The following EPS8 variants were observed in gnomAD, a reference collection of about 807,000 sequenced individuals.
The protein encoded by EPS8 is epidermal growth factor receptor kinase substrate 8.
A neutral mutation model predicts 103.8 loss-of-function variants in EPS8; 42 were observed. The ratio of observed to expected loss-of-function variants is 0.40; its 90% CI spans 0.32 to 0.52. The LOEUF is 0.52. EPS8 is among the 20% of genes least tolerant of loss of function. The pLI, the probability that EPS8 is intolerant of heterozygous loss-of-function variation, is 0.40. For missense variants in EPS8, 969 were observed against 1,005.1 expected (o/e 0.96, Z 0.49); for synonymous variants, 344 against 344.6 (o/e 1.00, Z 0.02).
chr12:15,722,179 C>T (rs56329837), intron 1 of EPS8, among the ~76,000 whole-genome samples: 11,067 of 149,678 alleles, frequency 0.074, 1,363 homozygotes, highest in African/African-American at 0.25. Context: ...AATACACTAA[C>T]GATAGCTGAT....
chr12:15,685,492 A>AT (rs1417439223), intron 1 of EPS8, among the ~76,000 whole-genome samples: 6 of 152,222 alleles, frequency 3.9e-5, no homozygotes, highest in African/African-American at 1.4e-4. Context: ...GAAAAGTGAT[A>AT]GCCACAGCAT....
intron 3 of EPS8, among the ~76,000 whole-genome samples, chr12:15,676,772 T>A (rs1317032597): frequency 6.6e-6 from 1 of 152,342 alleles, no homozygotes; most frequent in Admixed American, 6.5e-5. Flanking sequence ...TCTTCCTAAG[T>A]AAGTGTTACG....
intron 1 of EPS8, among the ~76,000 whole-genome samples, chr12:15,732,049 A>G (rs1322655148): frequency 6.6e-6 from 1 of 152,210 alleles, no homozygotes; most frequent in East Asian, 1.9e-4. Context: ...GTAAGTCTAA[A>G]GTGAAACTAC....
Position 15,779,617 on chromosome 12 carries a change from T to C in EPS8, c.-22+9544A>G, listed in dbSNP as rs2136052934. On this transcript the variant is annotated intron_variant, in intron 1 of 20. Transcript: ENST00000281172. This position sits in a 1 kb window ranked among gnomAD's most constrained non-coding sequence, Gnocchi z 4.3. ...AATAAGGAATAACTTAGTAATATTC[T>C]AATGGTGTTAACAGAAGATAATTCA... Among the ~76,000 whole-genome samples the C allele has an allele frequency of 6.6e-6, 1 of 152,354 alleles. No individual in the cohort carries two copies. The highest frequency in any genetic ancestry group is 1.9e-4 in the East Asian group (1 of 5,186).
chr12:15,644,260 T>A (rs1299852181), intron 15 of EPS8, among the ~76,000 whole-genome samples: 1 of 152,190 alleles, frequency 6.6e-6, no homozygotes, highest in Admixed American at 6.5e-5. Flanking sequence ...ATACCTCACG[T>A]CCGTTTTCTG....
intron 20 of EPS8, 147 bp downstream of exon 20, chr12:15,623,011 G>C (rs912719553): frequency 5.7e-6 from 4 of 706,134 alleles, no homozygotes; most frequent in African/African-American, 3.6e-5. Flanking sequence ...AACTGTCATT[G>C]ATGATCTCAG....
chr12:15,648,197 T>C (rs1020230865), intron 14 of EPS8, among the ~76,000 whole-genome samples: 2 of 152,196 alleles, frequency 1.3e-5, no homozygotes, highest in Admixed American at 1.3e-4. Flanking sequence ...CTATAGAGAA[T>C]ACATGCTCAG....
intron 13 of EPS8, among the ~76,000 whole-genome samples, chr12:15,651,520 C>T (rs1451567732): frequency 6.6e-6 from 1 of 152,178 alleles, no homozygotes; most frequent in South Asian, 2.1e-4. Flanking sequence ...GTCCCCTAAA[C>T]TGAAACAGAT....
rs946388538 is a variant in EPS8, at chr12:15,771,255, G to C, written c.-22+17906C>G. ...ACTGGGAAAACTGAAGTATACAGAT[G>C]AAAGTGTATAGTACCTCACTTTGGC... is the stretch of plus-strand genomic sequence containing the variant. On this transcript the variant is annotated intron_variant, in intron 1 of 20. Transcript: ENST00000281172. The surrounding 1 kb of genome is among the most constrained non-coding windows in gnomAD (Gnocchi z 4.6). Among the ~76,000 whole-genome samples, 4 of 152,196 alleles carry C rather than the reference G, an allele frequency of 2.6e-5. No individual in the cohort carries two copies. The highest frequency in any genetic ancestry group is 1.9e-4 in the East Asian group (1 of 5,196).
chr12:15,620,717 C>G lies in EPS8; in HGVS notation c.*600G>C, dbSNP rs4304842. 151,559 of 152,708 alleles carry G rather than the reference C, an allele frequency of 0.99. 75,222 individuals are homozygous for G. Among genetic ancestry groups the G allele is most frequent in the East Asian group, 1 (5,192 of 5,192 alleles). 9.5% of individuals were successfully genotyped at this position (152,708 alleles called of 1,614,324 possible). A position where few individuals can be genotyped will look rare whatever the true frequency, so the allele number is the denominator to read the frequency against. ...GCAATCAACAGAGCCATGACAAACT[C>G]TCTTGAGAATGCTCCATAGATTTAT... On this transcript the variant is annotated 3_prime_UTR_variant, in exon 21 of 21. Transcript: ENST00000281172.
At chr12:15,754,112 G>C (rs1434702477) in intron 1 of EPS8, among the ~76,000 whole-genome samples, 7 of 152,114 alleles carry the variant, frequency 4.6e-5, no homozygotes, top group Admixed American at 4.6e-4. Flanking sequence ...GACACTCTTT[G>C]GGTTCACAGT....
At chr12:15,741,463 A>ATTT (rs1437821769) in intron 1 of EPS8, among the ~76,000 whole-genome samples, 1 of 152,146 alleles carries the variant, frequency 6.6e-6, no homozygotes, top group African/African-American at 2.4e-5. Context: ...GACCATCTGC[A>ATTT]GTTTGGGGTA....
intron 8 of EPS8, among the ~76,000 whole-genome samples, chr12:15,663,706 C>T (rs190405011): frequency 0.011 from 1,594 of 151,518 alleles, 24 homozygotes; most frequent in African/African-American, 0.037. Context: ...GGGAGGATCA[C>T]GAGGTCAGGA....
intron 1 of EPS8, among the ~76,000 whole-genome samples, chr12:15,687,882 T>C (rs761564311): frequency 7.2e-5 from 11 of 152,220 alleles, no homozygotes; most frequent in African/African-American, 2.7e-4. Flanking sequence ...ATGCTAATTT[T>C]AAAAAGAATC....
chr12:15,652,483 G>A (rs929302230), intron 13 of EPS8, among the ~76,000 whole-genome samples: 1 of 152,110 alleles, frequency 6.6e-6, no homozygotes, highest in African/African-American at 2.4e-5. Context: ...TATTTAAGGT[G>A]ATGGATATCC....
chr12:15,719,978 T>G lies in EPS8; in HGVS notation c.-21-37006A>C, dbSNP rs546497252. 2.7e-4 allele frequency among the ~76,000 whole-genome samples: 41 copies of G among 152,332 alleles called. No individual in the cohort carries two copies. The South Asian group carries it at 7.9e-3, about 29-fold the overall frequency. Reference sequence around the variant, plus strand: ...CTTAATTATTTTCCTGGCTATACAATTTAGTGTTATGTGACAAACAAATCA... The same window carrying G: ...CTTAATTATTTTCCTGGCTATACAAGTTAGTGTTATGTGACAAACAAATCA... On this transcript the variant is annotated intron_variant, in intron 1 of 20. Coordinates refer to ENST00000281172, the MANE Select transcript of EPS8 (RefSeq NM_004447.6).
intron 13 of EPS8, 109 bp downstream of exon 13, chr12:15,654,036 T>A: frequency 9.3e-7 from 1 of 1,078,490 alleles, no homozygotes; most frequent in South Asian, 1.5e-5. Flanking sequence ...GGTTTTTTCA[T>A]CCTATGACGC....
chr12:15,689,033 G>A (rs1405061938), intron 1 of EPS8, among the ~76,000 whole-genome samples: 1 of 152,174 alleles, frequency 6.6e-6, no homozygotes. Flanking sequence ...CACCGACATT[G>A]CATGCCCTGC....
chr12:15,639,887 TAA>T (rs1470172577), intron 17 of EPS8, among the ~76,000 whole-genome samples: 3 of 152,214 alleles, frequency 2.0e-5, no homozygotes, highest in Non-Finnish European at 2.9e-5. Context: ...CTTTGAAAAT[TAA>T]AAGAGTTCTT....
Sources: allele counts gnomAD v4.1 joint callset (sites outside exome capture counted in the v4.1 genomes callset), GRCh38; gene constraint gnomAD v4.1.1; non-coding constraint Gnocchi (gnomAD v3.1); transcripts MANE v1.5; gene names NCBI Gene and HGNC (gene_info 2026-07-23, HGNC 2026-07-21).